The following SLC25A13 variants were observed in gnomAD, a reference collection of about 807,000 sequenced individuals.
SLC25A13 encodes the protein solute carrier family 25 member 13.
SLC25A13 carries 70 observed loss-of-function variants against 85.5 expected under a neutral mutation model. The ratio of observed to expected loss-of-function variants is 0.82; its 90% CI spans 0.68 to 1.00. The LOEUF (loss-of-function observed/expected upper bound fraction) is 1.00. Among genes scored for constraint, SLC25A13 ranks in the 50% least tolerant of loss-of-function variants. The pLI is 0.00. For synonymous variants in SLC25A13, 259 were observed against 288.7 expected (o/e 0.90, Z 1.04); for missense variants, 765 against 819.8 (o/e 0.93, Z 0.82).
At chr7:96,149,903 T>A (rs775514802) in intron 13 of SLC25A13, among the ~76,000 whole-genome samples, 1 of 152,198 alleles carries the variant, frequency 6.6e-6, no homozygotes, top group Non-Finnish European at 1.5e-5. Flanking sequence ...GGAACACCTA[T>A]TGTGCACAAT....
chr7:96,243,014 G>C (rs1381621956), intron 3 of SLC25A13, among the ~76,000 whole-genome samples: 1 of 152,130 alleles, frequency 6.6e-6, no homozygotes, highest in Non-Finnish European at 1.5e-5. Flanking sequence ...GCCCAGGCTG[G>C]AGTGCAATGG....
At chr7:96,305,595 CTA>C (rs1356625532) in intron 1 of SLC25A13, among the ~76,000 whole-genome samples, 2 of 152,090 alleles carry the variant, frequency 1.3e-5, no homozygotes, top group African/African-American at 2.4e-5. Flanking sequence ...ACTGATTGTG[CTA>C]TTCTGAAGAC....
At chr7:96,281,883 C>T (rs1169765217) in intron 2 of SLC25A13, among the ~76,000 whole-genome samples, 2 of 152,138 alleles carry the variant, frequency 1.3e-5, no homozygotes, top group Non-Finnish European at 2.9e-5. Flanking sequence ...TTTAAGTAAA[C>T]ATGTCAAAGG....
At chr7:96,271,506 G>C (rs892307685) in intron 3 of SLC25A13, among the ~76,000 whole-genome samples, 5 of 152,164 alleles carry the variant, frequency 3.3e-5, no homozygotes, top group Admixed American at 6.6e-5. Flanking sequence ...AATGTCAAAA[G>C]AGGACTGTGA....
At position 96,305,405 on chromosome 7, in the gene SLC25A13, A is replaced by G. The variant is rs575064451; in HGVS notation, c.16-8454T>C. Among the ~76,000 whole-genome samples the G allele has an allele frequency of 2.0e-5, 3 of 152,380 alleles. No individual in the cohort carries two copies. The East Asian group carries it at 5.8e-4, about 29-fold the overall frequency. On this transcript the variant is annotated intron_variant, in intron 1 of 17. Coordinates refer to ENST00000265631, the MANE Select transcript of SLC25A13 (RefSeq NM_014251.3). ...AAATGCCCATGGCTCAGTAGAAGGC[A>G]GAAATGCCTAGTGCAGAATATTATT...
intron 5 of SLC25A13, 56 bp from the exon 6 acceptor site, chr7:96,193,239 C>G: frequency 6.3e-7 from 1 of 1,582,618 alleles, no homozygotes; most frequent in Non-Finnish European, 8.7e-7. Flanking sequence ...ATAATTACTA[C>G]AAATGACAGT....
intron 13 of SLC25A13, among the ~76,000 whole-genome samples, chr7:96,149,443 C>T (rs972122148): frequency 9.9e-5 from 15 of 152,142 alleles, no homozygotes; most frequent in African/African-American, 3.4e-4. Flanking sequence ...TCCCTGACTC[C>T]AAGCCAACCA....
intron 1 of SLC25A13, among the ~76,000 whole-genome samples, chr7:96,300,183 G>C (rs1479702081): frequency 6.6e-6 from 1 of 152,122 alleles, no homozygotes; most frequent in African/African-American, 2.4e-5. Flanking sequence ...GCCAAGGTGG[G>C]AGGATCACTT....
intron 1 of SLC25A13, among the ~76,000 whole-genome samples, chr7:96,312,338 T>C (rs942034609): frequency 6.6e-6 from 1 of 152,186 alleles, no homozygotes; most frequent in Non-Finnish European, 1.5e-5. Flanking sequence ...GAAGATTGCA[T>C]TAGTAGATAT....
intron 2 of SLC25A13, among the ~76,000 whole-genome samples, chr7:96,281,902 T>C (rs1798693714): frequency 6.6e-6 from 1 of 152,150 alleles, no homozygotes; most frequent in Non-Finnish European, 1.5e-5. Flanking sequence ...GGTTGCTCCT[T>C]AGGATTGATG....
In SLC25A13 at chr7:96,131,795, A is replaced by C. The variant is rs751836823; in HGVS notation, c.1539T>G (p.Asn513Lys). The C allele has an allele frequency of 2.5e-6, 4 of 1,613,982 alleles. No homozygotes were observed. Among genetic ancestry groups the C allele is most frequent in the Non-Finnish European group, 3.4e-6 (4 of 1,180,008 alleles). The part of the protein sequence containing the change: ...CYAHVKASFA[N>K]EDGQVSPGSL... The stretch of plus-strand genomic sequence containing the variant: ...TTCCTGGGCTAACCTGCCCATCTTC[A>C]TTTGCAAAGGAAGCCTTCACATGAG... Residue 513 changes from asparagine to lysine, a missense_variant, in exon 15 of 18, where the codon AAT (asparagine) becomes AAG (lysine). Asn to Lys is a moderately conservative substitution (Grantham distance 94). Transcript: ENST00000265631.
At chr7:96,130,224 T>C (rs959708162) in intron 15 of SLC25A13, among the ~76,000 whole-genome samples, 2 of 152,200 alleles carry the variant, frequency 1.3e-5, no homozygotes, top group African/African-American at 4.8e-5. Flanking sequence ...GGTATTTTTA[T>C]GGTGTGAGGA....
intron 2 of SLC25A13, among the ~76,000 whole-genome samples, chr7:96,294,782 A>G (rs902115174): frequency 2.6e-5 from 4 of 152,166 alleles, no homozygotes; most frequent in African/African-American, 7.2e-5. Flanking sequence ...GGCTCAAGCC[A>G]TCCTCCTGCC....
chr7:96,229,701 G>A lies in SLC25A13; in HGVS notation c.328+5101C>T, dbSNP rs548225690. 2.0e-5 allele frequency among the ~76,000 whole-genome samples: 3 copies of A among 151,898 alleles called. No homozygotes were observed. The South Asian group carries it at 6.3e-4, about 32-fold the overall frequency. On this transcript the variant is annotated intron_variant, in intron 4 of 17. Transcript: ENST00000265631. ...ACGGGAGGAATGAACAACTCCAGAA[G>A]CGCCACCTAAAGAGCTGTAACACTC...
chr7:96,210,526 T>G (rs1239298247), intron 4 of SLC25A13, among the ~76,000 whole-genome samples: 1 of 152,206 alleles, frequency 6.6e-6, no homozygotes, highest in Non-Finnish European at 1.5e-5. Context: ...TAAAATTTCT[T>G]GGGCACTCAC....
intron 3 of SLC25A13, among the ~76,000 whole-genome samples, chr7:96,262,561 A>AT (rs1402375062): frequency 2.0e-5 from 3 of 152,088 alleles, no homozygotes; most frequent in Non-Finnish European, 4.4e-5. Context: ...CCAGTTTTTC[A>AT]TAAGTGTGGG....
At chr7:96,146,016 A>G (rs908203648) in intron 14 of SLC25A13, among the ~76,000 whole-genome samples, 1 of 152,232 alleles carries the variant, frequency 6.6e-6, no homozygotes, top group African/African-American at 2.4e-5. Flanking sequence ...AGACAGTTCT[A>G]GTAAATTCCA....
At chr7:96,139,195 G>T (rs1224154674) in intron 14 of SLC25A13, among the ~76,000 whole-genome samples, 7 of 152,240 alleles carry the variant, frequency 4.6e-5, no homozygotes, top group Middle Eastern at 6.8e-3. Context: ...ACGAGTCAAT[G>T]ATTCATCTGA....
At chr7:96,174,969 A>G (rs1459301694) in intron 11 of SLC25A13, among the ~76,000 whole-genome samples, 1 of 152,180 alleles carries the variant, frequency 6.6e-6, no homozygotes. Context: ...ACACAGTGAG[A>G]CTGGTGCCTC....
Sources: allele counts gnomAD v4.1 joint callset (sites outside exome capture counted in the v4.1 genomes callset), GRCh38; gene constraint gnomAD v4.1.1; transcripts MANE v1.5; gene names NCBI Gene and HGNC (gene_info 2026-07-23, HGNC 2026-07-21).